KCNB2: variants seen among roughly 807,000 people sequenced by gnomAD.
The protein encoded by KCNB2 is potassium voltage-gated channel subfamily B member 2.
KCNB2 carries 15 observed loss-of-function variants against 61.5 expected under a neutral mutation model. That is an observed-to-expected ratio of 0.24 (90% CI 0.16 to 0.38). The LOEUF (loss-of-function observed/expected upper bound fraction) is 0.38. Ranked by LOEUF, KCNB2 falls within the 10% of genes least tolerant of loss-of-function variation. The probability of loss-of-function intolerance (pLI) is 1.00; values close to 1 mark genes in which losing one functional copy is unlikely to be tolerated. For synonymous variants in KCNB2, 457 were observed against 446.0 expected, an observed-to-expected ratio of 1.02 and a Z score of -0.31; for missense variants, 828 against 1,125.2, an observed-to-expected ratio of 0.74 and a Z score of 3.78.
intron 2 of KCNB2, among the ~76,000 whole-genome samples, chr8:72,882,378 GGA>G (rs1318952625): frequency 1.3e-5 from 2 of 152,156 alleles, no homozygotes; most frequent in Non-Finnish European, 2.9e-5. Flanking sequence ...TGAAGAAAAG[GGA>G]GAGTGTACAT....
chr8:72,620,716 C>G (rs144538679), intron 2 of KCNB2, among the ~76,000 whole-genome samples: 1 of 152,160 alleles, frequency 6.6e-6, no homozygotes, highest in Non-Finnish European at 1.5e-5. Context: ...TCAAGTGATT[C>G]TCCTGCCTCA....
intron 2 of KCNB2, among the ~76,000 whole-genome samples, chr8:72,825,024 A>C (rs2129001410): frequency 6.6e-6 from 1 of 152,288 alleles, no homozygotes. Context: ...CCAAACTGAA[A>C]GTCTGAACCC....
intron 2 of KCNB2, among the ~76,000 whole-genome samples, chr8:72,663,611 G>T (rs992932956): frequency 1.3e-5 from 2 of 152,060 alleles, no homozygotes; most frequent in Admixed American, 1.3e-4. Flanking sequence ...CCAAGAAAGG[G>T]TTCCATTGCT....
rs114817742 is a variant in KCNB2 at position 72,611,746 on chromosome 8, T to C, written c.579+43433T>C. Among the ~76,000 whole-genome samples the C allele has an allele frequency of 5.1e-3, 782 of 152,262 alleles. 6 individuals are homozygous for C. The highest frequency in any genetic ancestry group is 0.018 in the African/African-American group (751 of 41,560). The stretch of plus-strand genomic sequence containing the variant: ...GCCAATTGCAACTTTTTGCCTTATA[T>C]TGGTGATACATGAGAATAAAAAAGA... On this transcript the variant is annotated intron_variant, in intron 2 of 2. Coordinates refer to ENST00000523207, the MANE Select transcript of KCNB2 (RefSeq NM_004770.3).
intron 2 of KCNB2, among the ~76,000 whole-genome samples, chr8:72,811,618 T>C (rs1389824298): frequency 6.6e-6 from 1 of 152,214 alleles, no homozygotes; most frequent in Non-Finnish European, 1.5e-5. Flanking sequence ...GCTGATTCTC[T>C]TGGGTTTTCC....
Position 72,834,956 on chromosome 8 carries a change from A to G in KCNB2, c.580-100979A>G, listed in dbSNP as rs560317671. Reference sequence around the variant, plus strand: ...ATAGTGCCAGTGCTAATGATTGGAAAACCAGCAGGAGGAAGGGGATAGGGT... The same window carrying G: ...ATAGTGCCAGTGCTAATGATTGGAAGACCAGCAGGAGGAAGGGGATAGGGT... On this transcript the variant is annotated intron_variant, in intron 2 of 2. Coordinates refer to ENST00000523207, the MANE Select transcript of KCNB2 (RefSeq NM_004770.3). Among the ~76,000 whole-genome samples the G allele has an allele frequency of 2.0e-5, 3 of 152,296 alleles. No individual in the cohort carries two copies. In the South Asian group the frequency reaches 6.2e-4, roughly 32 times the overall value.
At chr8:72,576,259 A>C (rs929870537) in intron 2 of KCNB2, among the ~76,000 whole-genome samples, 1 of 152,226 alleles carries the variant, frequency 6.6e-6, no homozygotes, top group African/African-American at 2.4e-5. Flanking sequence ...GCCCTGAGGC[A>C]TAAATCTGCA....
intron 2 of KCNB2, among the ~76,000 whole-genome samples, chr8:72,598,605 C>A (rs370478728): frequency 1.3e-5 from 2 of 152,088 alleles, no homozygotes; most frequent in African/African-American, 4.8e-5. Flanking sequence ...GGCCAGGGCA[C>A]TCAGGCAGGA....
intron 1 of KCNB2, 133 bp from the exon 2 acceptor site, chr8:72,567,509 C>T: frequency 2.1e-6 from 1 of 466,644 alleles, no homozygotes; most frequent in Admixed American, 3.8e-5. Context: ...AGTATGTAGA[C>T]ATTAATATTG....
chr8:72,904,541 A>T (rs1401571776), intron 2 of KCNB2, among the ~76,000 whole-genome samples: 2 of 152,168 alleles, frequency 1.3e-5, no homozygotes, highest in South Asian at 2.1e-4. Context: ...TTAAAAAAGA[A>T]AAAGAACAAA....
intron 2 of KCNB2, chr8:72,751,370 A>T (rs77551899): frequency 2.0e-5 from 3 of 152,214 alleles, no homozygotes; most frequent in Non-Finnish European, 4.4e-5. Context: ...TTTCATTACA[A>T]TGTTATAGAT....
intron 2 of KCNB2, among the ~76,000 whole-genome samples, chr8:72,864,355 A>T (rs1805477209): frequency 6.6e-6 from 1 of 152,092 alleles, no homozygotes; most frequent in Non-Finnish European, 1.5e-5. Context: ...GAAAATGCAA[A>T]ATTGTTTCAT....
At chr8:72,884,451 AT>A (rs1412156749) in intron 2 of KCNB2, among the ~76,000 whole-genome samples, 1 of 151,970 alleles carries the variant, frequency 6.6e-6, no homozygotes, top group African/African-American at 2.4e-5. Flanking sequence ...AGAAGTTTTG[AT>A]TTTAATGGAG....
At chr8:72,783,752 C>T (rs1047489675) in intron 2 of KCNB2, among the ~76,000 whole-genome samples, 4 of 152,144 alleles carry the variant, frequency 2.6e-5, no homozygotes, top group African/African-American at 4.8e-5. Context: ...ACACCAGGCA[C>T]GTAGCCATTT....
intron 2 of KCNB2, among the ~76,000 whole-genome samples, chr8:72,661,905 G>C (rs1412679323): frequency 6.6e-6 from 1 of 152,076 alleles, no homozygotes; most frequent in Non-Finnish European, 1.5e-5. Flanking sequence ...TCTCAGTTTT[G>C]TTTTGTCTTT....
intron 2 of KCNB2, among the ~76,000 whole-genome samples, chr8:72,812,276 A>AAAAG (rs1295478041): frequency 2.0e-5 from 3 of 152,072 alleles, no homozygotes; most frequent in African/African-American, 7.2e-5. Flanking sequence ...TCAAAAAAAA[A>AAAAG]AAAGAAAGAA....
chr8:72,833,041 AG>A (rs1809724949), intron 2 of KCNB2, among the ~76,000 whole-genome samples: 1 of 152,196 alleles, frequency 6.6e-6, no homozygotes, highest in African/African-American at 2.4e-5. Context: ...AGAGATTTGG[AG>A]GGGGAAATAT....
intron 2 of KCNB2, among the ~76,000 whole-genome samples, chr8:72,850,702 A>G (rs966482091): frequency 5.3e-5 from 8 of 152,230 alleles, no homozygotes; most frequent in Non-Finnish European, 1.2e-4. Context: ...GTAGAATACC[A>G]GAAAAGAAAA....
In KCNB2 at chr8:72,725,525, A is replaced by ATGTG. The variant is rs1563571806; in HGVS notation, c.579+157213_579+157214insGTGT. On this transcript the variant is annotated intron_variant, in intron 2 of 2. Coordinates refer to ENST00000523207, the MANE Select transcript of KCNB2 (RefSeq NM_004770.3). ...TCTTTGTCTTCATATATATATATATATATATATATATATATGTGTGTATAT... is the reference window on the plus strand; with the variant it reads ...TCTTTGTCTTCATATATATATATATATGTGTATATATATATATATGTGTGTATAT... 7.7e-3 allele frequency among the ~76,000 whole-genome samples: 415 copies of ATGTG among 53,756 alleles called. 1 individual carries two copies. The highest frequency in any genetic ancestry group is 0.04 in the African/African-American group (364 of 9,194). The allele number at this position is 53,756 out of a possible 152,430, so 35.3% of individuals were successfully genotyped here. A position where few individuals can be genotyped will look rare whatever the true frequency, so the allele number is the denominator to read the frequency against.
Sources: allele counts gnomAD v4.1 joint callset (sites outside exome capture counted in the v4.1 genomes callset), GRCh38; gene constraint gnomAD v4.1.1; transcripts MANE v1.5; gene names NCBI Gene and HGNC (gene_info 2026-07-23, HGNC 2026-07-21).